BAALC: variants seen among roughly 807,000 people sequenced by gnomAD.
BAALC encodes the protein brain and acute leukemia cytoplasmic protein.
BAALC carries 9 observed loss-of-function variants against 15.5 expected under a neutral mutation model. The observed-to-expected ratio is 0.58, with a 90% CI of 0.35 to 1.02. The LOEUF (loss-of-function observed/expected upper bound fraction) is 1.02, where lower values mean the gene tolerates loss of function less well. BAALC is among the 50% of genes least tolerant of loss of function. The pLI is 0.02. For synonymous variants in BAALC, 80 were observed against 74.6 expected (o/e 1.07, Z -0.37); for missense variants, 201 against 192.4 (o/e 1.04, Z -0.27).
At chr8:103,184,693 G>A (rs1811794782) in intron 1 of BAALC, among the ~76,000 whole-genome samples, 1 of 152,160 alleles carries the variant, frequency 6.6e-6, no homozygotes, top group South Asian at 2.1e-4. Context: ...ATGGGAGGGA[G>A]GACAAAAACA....
At chr8:103,173,944 A>G (rs1330743880) in intron 1 of BAALC, among the ~76,000 whole-genome samples, 1 of 152,214 alleles carries the variant, frequency 6.6e-6, no homozygotes, top group African/African-American at 2.4e-5. Flanking sequence ...AAGGGCGTGA[A>G]GAAATTACTG....
intron 1 of BAALC, among the ~76,000 whole-genome samples, chr8:103,181,460 ATGG>A (rs1811727976): frequency 2.0e-5 from 3 of 150,272 alleles, no homozygotes; most frequent in East Asian, 2.0e-4. Context: ...TTTAGTAGAG[ATGG>A]GGGTTTCACC....
intron 1 of BAALC, among the ~76,000 whole-genome samples, chr8:103,171,100 G>A (rs1398238942): frequency 6.7e-6 from 1 of 150,132 alleles, no homozygotes; most frequent in Non-Finnish European, 1.5e-5. Context: ...CAGAAGAAAG[G>A]GAGAAAAAGA....
intron 1 of BAALC, among the ~76,000 whole-genome samples, chr8:103,189,537 G>A (rs1811920298): frequency 6.6e-6 from 1 of 152,196 alleles, no homozygotes; most frequent in African/African-American, 2.4e-5. Context: ...CTTGGAATAA[G>A]CAAGGGATCA....
At chr8:103,210,050 G>T (rs1182950423) in intron 1 of BAALC, among the ~76,000 whole-genome samples, 2 of 152,172 alleles carry the variant, frequency 1.3e-5, no homozygotes, top group Non-Finnish European at 2.9e-5. Context: ...GGTGTACACT[G>T]CCCTAGCCCC....
chr8:103,155,327 T>C (rs916993291), intron 1 of BAALC, among the ~76,000 whole-genome samples: 19 of 151,330 alleles, frequency 1.3e-4, no homozygotes, highest in Non-Finnish European at 2.8e-4. Context: ...TCTAATGTAA[T>C]AATAATTCAG....
chr8:103,174,490 A>G (rs1279953283), intron 1 of BAALC, among the ~76,000 whole-genome samples: 9 of 152,218 alleles, frequency 5.9e-5, no homozygotes. Context: ...CAAGGATGCC[A>G]GTTAGCCGAT....
In BAALC at chr8:103,155,132, C is replaced by T. The variant is rs188154742; in HGVS notation, c.160+14075C>T. ...AGTATGAATCTCTAATAAACTGGGA[C>T]TCTTTAAAAAAGATATTAGATTGGA... On this transcript the variant is annotated intron_variant, in intron 1 of 2. Transcript: ENST00000309982. Among the ~76,000 whole-genome samples the T allele has an allele frequency of 1.9e-3, 294 of 152,074 alleles. 3 individuals are homozygous for T. Among genetic ancestry groups the T allele is most frequent in the African/African-American group, 6.2e-3 (259 of 41,480 alleles).
chr8:103,157,837 T>C (rs936412649), intron 1 of BAALC, among the ~76,000 whole-genome samples: 3 of 152,126 alleles, frequency 2.0e-5, no homozygotes, highest in Non-Finnish European at 4.4e-5. Flanking sequence ...TAAAAAGATA[T>C]TGGATTGGAC....
At chr8:103,170,235 C>CT (rs35384925) in intron 1 of BAALC, among the ~76,000 whole-genome samples, 9,075 of 140,402 alleles carry the variant, frequency 0.065, 382 homozygotes, top group African/African-American at 0.12. Context: ...TTCAATGAGC[C>CT]TTTTTTTTTT....
intron 1 of BAALC, among the ~76,000 whole-genome samples, chr8:103,145,325 C>T (rs1301571370): frequency 2.0e-5 from 3 of 152,246 alleles, no homozygotes; most frequent in African/African-American, 7.2e-5. Flanking sequence ...CTTGCACAGA[C>T]AACTCTTTCA....
chr8:103,184,047 G>A (rs1811783559), intron 1 of BAALC, among the ~76,000 whole-genome samples: 1 of 152,140 alleles, frequency 6.6e-6, no homozygotes, highest in Admixed American at 6.5e-5. Context: ...CCAGCTTCTA[G>A]AGGCAGCCTG....
At chr8:103,181,508 G>A (rs1348536647) in intron 1 of BAALC, among the ~76,000 whole-genome samples, 6 of 152,010 alleles carry the variant, frequency 3.9e-5, no homozygotes, top group East Asian at 1.9e-4. Flanking sequence ...TCCTGACCTC[G>A]TGATCTGCCC....
At chr8:103,224,053 C>A (rs1812741030) in intron 2 of BAALC, among the ~76,000 whole-genome samples, 1 of 152,146 alleles carries the variant, frequency 6.6e-6, no homozygotes, top group South Asian at 2.1e-4. Flanking sequence ...AGAATCACTG[C>A]CTTCTTTTCC....
At chr8:103,151,744 T>C (rs1405701571) in intron 1 of BAALC, among the ~76,000 whole-genome samples, 2 of 115,592 alleles carry the variant, frequency 1.7e-5, no homozygotes, top group African/African-American at 8.5e-5. Context: ...TATCCTATAC[T>C]TTCCCTCTGA....
intron 2 of BAALC, 67 bp downstream of exon 2, chr8:103,213,152 G>C (rs548439351): frequency 6.5e-7 from 1 of 1,527,146 alleles, no homozygotes. Flanking sequence ...TCAGGGCAGA[G>C]CCACCCAGCC....
At chr8:103,226,716 T>A (rs1411042860) in intron 2 of BAALC, among the ~76,000 whole-genome samples, 1 of 152,214 alleles carries the variant, frequency 6.6e-6, no homozygotes, top group Non-Finnish European at 1.5e-5. Flanking sequence ...TTGTCATTGG[T>A]TTATCCTTAG....
At chr8:103,207,111 G>A (rs1249777745) in intron 1 of BAALC, among the ~76,000 whole-genome samples, 1 of 152,148 alleles carries the variant, frequency 6.6e-6, no homozygotes, top group Non-Finnish European at 1.5e-5. Flanking sequence ...GCAGGGTCAG[G>A]TGTGTGGATC....
At chr8:103,209,601 G>A (rs748903601) in intron 1 of BAALC, among the ~76,000 whole-genome samples, 9 of 152,000 alleles carry the variant, frequency 5.9e-5, no homozygotes, top group Non-Finnish European at 1.2e-4. Flanking sequence ...CCAAGGGGAC[G>A]TATCTACCAA....
Sources: gnomAD v4.1 joint callset for allele counts (sites outside exome capture counted in the v4.1 genomes callset) on GRCh38, gnomAD v4.1.1 for gene constraint, MANE v1.5 for transcripts, NCBI Gene and HGNC (gene_info 2026-07-23, HGNC 2026-07-21) for gene names.